The following ORC3 variants were observed in gnomAD, a reference collection of about 807,000 sequenced individuals.
ORC3 encodes origin recognition complex subunit 3.
Under a neutral mutation model 100.7 loss-of-function variants are expected in ORC3, and 78 were observed. That is an observed-to-expected ratio of 0.77 (90% confidence interval 0.65 to 0.94). The LOEUF (loss-of-function observed/expected upper bound fraction) is 0.94. Among genes scored for constraint, ORC3 ranks in the 40% least tolerant of loss-of-function variants. The pLI is 0.00. For synonymous variants in ORC3, 295 were observed against 289.3 expected, an observed-to-expected ratio of 1.02 and a Z score of -0.20; for missense variants, 789 against 823.9, an observed-to-expected ratio of 0.96 and a Z score of 0.52.
intron 11 of ORC3, among the ~76,000 whole-genome samples, chr6:87,633,391 G>A (rs1235908982): frequency 6.6e-6 from 1 of 152,194 alleles, no homozygotes; most frequent in Non-Finnish European, 1.5e-5. Flanking sequence ...CTTTTGTTAT[G>A]ATAGGAGATT....
At chr6:87,646,232 C>T (rs191117292) in intron 13 of ORC3, among the ~76,000 whole-genome samples, 68 of 152,038 alleles carry the variant, frequency 4.5e-4, no homozygotes, top group African/African-American at 1.5e-3. Context: ...ATGATCCGCC[C>T]GCCTCGGCCT....
chr6:87,650,046 A>G (rs1583144213), intron 13 of ORC3, among the ~76,000 whole-genome samples: 1 of 139,944 alleles, frequency 7.1e-6, no homozygotes, highest in East Asian at 2.1e-4. Flanking sequence ...TTATTCACTT[A>G]CTTTTTTACA....
chr6:87,616,785 C>A (rs1220822013), intron 9 of ORC3, among the ~76,000 whole-genome samples: 2 of 151,498 alleles, frequency 1.3e-5, no homozygotes, highest in African/African-American at 4.9e-5. Context: ...TGTAAAGGGC[C>A]AGATATTAAA....
At chr6:87,638,959 A>T (rs1206231702) in intron 13 of ORC3, among the ~76,000 whole-genome samples, 1 of 151,844 alleles carries the variant, frequency 6.6e-6, no homozygotes, top group Non-Finnish European at 1.5e-5. Flanking sequence ...TAGTTGGCCG[A>T]GATAGTGACA....
At chr6:87,602,948 A>G (rs1435360252) in intron 3 of ORC3, among the ~76,000 whole-genome samples, 2 of 114,870 alleles carry the variant, frequency 1.7e-5, no homozygotes, top group African/African-American at 3.6e-5. Context: ...ATATATACAC[A>G]TATATAATAT....
chr6:87,644,448 T>A (rs1039751324), intron 13 of ORC3, among the ~76,000 whole-genome samples: 7 of 151,696 alleles, frequency 4.6e-5, no homozygotes, highest in Admixed American at 3.9e-4. Flanking sequence ...GGCTCATGCC[T>A]ATAATCCCAG....
intron 1 of ORC3, among the ~76,000 whole-genome samples, chr6:87,591,207 T>G (rs1776885919): frequency 1.3e-5 from 2 of 152,230 alleles, no homozygotes. Flanking sequence ...AGCGCTGTTC[T>G]GGACCACAAA....
At chr6:87,671,929 G>A (rs551737221), downstream of ORC3, among the ~76,000 whole-genome samples, 1 of 152,110 alleles carries the variant, frequency 6.6e-6, no homozygotes, top group Admixed American at 6.5e-5. Flanking sequence ...AGTTTAACCC[G>A]AAACTTGCGA....
At chr6:87,606,267 C>G (rs1205330005) in intron 5 of ORC3, among the ~76,000 whole-genome samples, 1 of 152,150 alleles carries the variant, frequency 6.6e-6, no homozygotes, top group Non-Finnish European at 1.5e-5. Context: ...GCAGTCCAGG[C>G]ATTTTGTGAG....
chr6:87,672,880 A>G, the ORC3 span, among the ~76,000 whole-genome samples: 777 of 151,524 alleles, frequency 5.1e-3, 6 homozygotes, highest in African/African-American at 0.017. Context: ...AAGATTTACT[A>G]AACACATCAT....
chr6:87,654,666 C>T (rs1413795738), intron 14 of ORC3, among the ~76,000 whole-genome samples: 1 of 152,074 alleles, frequency 6.6e-6, no homozygotes, highest in East Asian at 1.9e-4. Context: ...AAGGGGCCAA[C>T]CTTAAGTACA....
intron 13 of ORC3, among the ~76,000 whole-genome samples, chr6:87,637,879 C>A (rs1767947594): frequency 6.6e-6 from 1 of 152,154 alleles, no homozygotes; most frequent in Non-Finnish European, 1.5e-5. Flanking sequence ...TAGGCACTCT[C>A]AGTACATTTT....
chr6:87,602,406 C>G (rs986191798), intron 3 of ORC3, among the ~76,000 whole-genome samples: 11 of 151,898 alleles, frequency 7.2e-5, no homozygotes, highest in African/African-American at 2.7e-4. Context: ...TATTCCAGCT[C>G]TGAAACATTT....
chr6:87,639,040 C>G (rs959157379), intron 13 of ORC3, among the ~76,000 whole-genome samples: 2 of 151,978 alleles, frequency 1.3e-5, no homozygotes, highest in Admixed American at 6.6e-5. Flanking sequence ...TATGAAATTA[C>G]TTTCAAGCTG....
downstream of ORC3, among the ~76,000 whole-genome samples, chr6:87,671,252 T>G (rs1196384559): frequency 6.6e-6 from 1 of 152,010 alleles, no homozygotes; most frequent in Non-Finnish European, 1.5e-5. Context: ...ACCACAGAAA[T>G]AATCCAAGCA....
Position 87,621,958 on chromosome 6 carries a change from A to C in ORC3, c.1130A>C (p.Glu377Ala). ...RRLPSFRRYV[E>A]KQASEKQVAL... ...AATGGTGAAAATTCTAGGTACGTGG[A>C]AAAGCAAGCTTCAGAAAAGCAAGTT... is the stretch of plus-strand genomic sequence containing the variant. Residue 377 changes from glutamate to alanine, a missense_variant, in exon 11 of 20, where the codon GAA (glutamate) becomes GCA (alanine). Coordinates refer to ENST00000392844, the MANE Select transcript of ORC3 (RefSeq NM_012381.4). 1 of 1,605,252 alleles carries C rather than the reference A, an allele frequency of 6.2e-7. No individual in the cohort carries two copies. Among genetic ancestry groups the C allele is most frequent in the Non-Finnish European group, 8.5e-7 (1 of 1,173,894 alleles).
Position 87,648,939 on chromosome 6 carries a change from T to C in ORC3, c.1383-4177T>C, listed in dbSNP as rs969957978. Reference sequence around the variant, plus strand: ...CAAAACAAAGGTAGATGTAAACATATTGAGTCTAAAATATAAACATTGTTG... The same window carrying C: ...CAAAACAAAGGTAGATGTAAACATACTGAGTCTAAAATATAAACATTGTTG... On this transcript the variant is annotated intron_variant, in intron 13 of 19. Coordinates refer to ENST00000392844, the MANE Select transcript of ORC3 (RefSeq NM_012381.4). Among the ~76,000 whole-genome samples, 3 of 152,364 alleles carry C rather than the reference T, an allele frequency of 2.0e-5. No individual in the cohort carries two copies. In the East Asian group the frequency reaches 5.8e-4, roughly 29 times the overall value.
the ORC3 span, chr6:87,675,558 A>G: frequency 1.7e-5 from 27 of 1,613,260 alleles, no homozygotes; most frequent in South Asian, 1.9e-4. Flanking sequence ...CAACAACTCA[A>G]CAAGGAACAA....
the ORC3 span, chr6:87,677,702 T>G: frequency 5.5e-6 from 7 of 1,272,344 alleles, no homozygotes; most frequent in Non-Finnish European, 7.5e-6. Context: ...ACTGAAATTT[T>G]CTCATTCTCA....
Sources: allele counts gnomAD v4.1 joint callset (sites outside exome capture counted in the v4.1 genomes callset), GRCh38; gene constraint gnomAD v4.1.1; transcripts MANE v1.5; gene names NCBI Gene and HGNC (gene_info 2026-07-23, HGNC 2026-07-21).